POTEE: variants seen among roughly 807,000 people sequenced by gnomAD.
The protein encoded by POTEE is ANKRD26-like family C member 1A.
A neutral mutation model predicts 74.2 loss-of-function variants in POTEE; 21 were observed. The observed-to-expected ratio is 0.28, with a 90% confidence interval of 0.20 to 0.41. The LOEUF (loss-of-function observed/expected upper bound fraction) is 0.41. Ranked by LOEUF, POTEE falls within the 10% of genes least tolerant of loss-of-function variation. POTEE has a pLI of 1.00. For synonymous variants in POTEE, 211 were observed against 432.8 expected (o/e 0.49, Z 6.36); for missense variants, 525 against 1,158.6 (o/e 0.45, Z 7.94).
At chr2:131,210,616 T>TC (rs1294526623) in intron 1 of POTEE, among the ~76,000 whole-genome samples, 1 of 151,786 alleles carries the variant, frequency 6.6e-6, no homozygotes, top group Non-Finnish European at 1.5e-5. Flanking sequence ...GGCCTGCACC[T>TC]CCCGCCCACA....
At chr2:131,230,697 T>C (rs551018377) in intron 8 of POTEE, 139 bp from the exon 9 acceptor site, 3 of 740,054 alleles carry the variant, frequency 4.1e-6, no homozygotes, top group Non-Finnish European at 4.4e-6. Context: ...TAGAATGTAT[T>C]CATAAGTGGA....
chr2:131,230,786 T>G (rs1573714427), intron 8 of POTEE, 50 bp from the exon 9 acceptor site: 2 of 1,568,954 alleles, frequency 1.3e-6, no homozygotes, highest in East Asian at 4.8e-5. Flanking sequence ...TAAGTTTTTT[T>G]TATATCAGTA....
chr2:131,214,696 T>G (rs1336205183), intron 2 of POTEE, among the ~76,000 whole-genome samples: 2 of 152,278 alleles, frequency 1.3e-5, no homozygotes, highest in Non-Finnish European at 2.9e-5. Context: ...AAGTCAGTGG[T>G]AAAATAAAAA....
At chr2:131,210,696 G>A (rs1163122710) in intron 1 of POTEE, among the ~76,000 whole-genome samples, 2 of 150,022 alleles carry the variant, frequency 1.3e-5, no homozygotes, top group East Asian at 3.9e-4. Flanking sequence ...GCGGGGGACT[G>A]TGGGAACAGG....
chr2:131,225,082 A>C (rs1252141694), intron 6 of POTEE, among the ~76,000 whole-genome samples: 1 of 152,188 alleles, frequency 6.6e-6, no homozygotes, highest in Non-Finnish European at 1.5e-5. Context: ...GGAATTGGTC[A>C]TGTGGGTGAG....
chr2:131,225,522 GA>G (rs1700755354), intron 6 of POTEE, among the ~76,000 whole-genome samples: 1 of 144,008 alleles, frequency 6.9e-6, no homozygotes, highest in South Asian at 2.3e-4. Flanking sequence ...GTTGGGGTTG[GA>G]TATGTGCTGA....
chr2:131,236,244 T>G lies in POTEE; in HGVS notation c.1127-488T>G, dbSNP rs561090741. The stretch of plus-strand genomic sequence containing the variant: ...GAAGGGGAGACAGTAAAGGATTTTG[T>G]TTTCTTAACCTTGCTCTGGGATGTC... On this transcript the variant is annotated intron_variant, in intron 9 of 17. Coordinates refer to ENST00000683005, the MANE Select transcript of POTEE (RefSeq NM_001083538.3). Among the ~76,000 whole-genome samples, 10 of 152,200 alleles carry G rather than the reference T, an allele frequency of 6.6e-5. No individual in the cohort carries two copies. The East Asian group carries it at 1.9e-3, about 29-fold the overall frequency.
intron 10 of POTEE, among the ~76,000 whole-genome samples, chr2:131,237,357 C>A (rs1396386243): frequency 1.3e-5 from 2 of 151,998 alleles, no homozygotes; most frequent in African/African-American, 2.4e-5. Flanking sequence ...AAAATATATT[C>A]TGCCTTATGG....
At chr2:131,232,948 G>C (rs1573717528) in intron 9 of POTEE, among the ~76,000 whole-genome samples, 1 of 152,080 alleles carries the variant, frequency 6.6e-6, no homozygotes, top group Admixed American at 6.5e-5. Context: ...CACACCACAT[G>C]CTCATTCCCA....
In POTEE at chr2:131,264,164, G is replaced by C; in HGVS notation, c.2709G>C (p.Met903Ile). 1 of 1,614,310 alleles carries C rather than the reference G, an allele frequency of 6.2e-7. No individual in the cohort carries two copies. ...AGCGTGGCTATAGGTTCACCACCAT[G>C]GCCGAGCGGGAAATCGTGCGTGACA... is the stretch of plus-strand genomic sequence containing the variant. ...LTERGYRFTT[M>I]AEREIVRDIK... Residue 903 changes from methionine (M) to isoleucine (I), a missense_variant, in exon 18 of 18, where the codon ATG (methionine) becomes ATC (isoleucine). Physicochemically the swap from Met to Ile is conservative, Grantham distance 10 (BLOSUM62 1). Transcript: ENST00000683005.
intron 1 of POTEE, among the ~76,000 whole-genome samples, chr2:131,210,053 C>T (rs59572380): frequency 0.056 from 1,437 of 25,762 alleles, 32 homozygotes; most frequent in African/African-American, 0.21. Flanking sequence ...CGTGTACTGC[C>T]GGTGGCGGGG....
Position 131,218,805 on chromosome 2 carries a change from G to A in POTEE, c.403G>A (p.Val135Ile), listed in dbSNP as rs369272280. The change falls in exon 4 of 18, where the codon GTC becomes ATC. Residue 135 changes from valine to isoleucine, a missense_variant. Physicochemically the swap from Val to Ile is conservative, Grantham distance 29. Transcript: ENST00000683005. Reference protein sequence around the residue: ...DSAFMEPRYHVRGEDLDKLHR... With the variant: ...DSAFMEPRYHIRGEDLDKLHR... ...CGCCTTCATGGAGCCCAGGTACCACGTCCGTGGAGAAGATCTGGACAAGCT... is the reference window on the plus strand; with the variant it reads ...CGCCTTCATGGAGCCCAGGTACCACATCCGTGGAGAAGATCTGGACAAGCT... The A allele has an allele frequency of 1.2e-5, 19 of 1,612,592 alleles. No homozygotes were observed. The Middle Eastern group carries it at 7.9e-4, about 67-fold the overall frequency.
At chr2:131,237,978 G>A (rs1274065526) in intron 10 of POTEE, among the ~76,000 whole-genome samples, 2 of 152,198 alleles carry the variant, frequency 1.3e-5, no homozygotes, top group African/African-American at 4.8e-5. Flanking sequence ...TCAGAAGCCA[G>A]TAATGTGGCA....
Position 131,264,130 on chromosome 2 carries a change from T to A in POTEE, c.2675T>A (p.Ile892Asn). 6.2e-7 allele frequency: 1 copy of A among 1,614,290 alleles called. No individual in the cohort carries two copies. Among genetic ancestry groups the A allele is most frequent in the Non-Finnish European group, 8.5e-7 (1 of 1,180,060 alleles). ...GRELPDYLMK[I>N]LTERGYRFTT... is the part of the protein sequence containing the mutation. ...GAACTGCCTGACTACCTCATGAAGA[T>A]CCTCACCGAGCGTGGCTATAGGTTC... The change falls in exon 18 of 18, where the codon ATC (isoleucine) becomes AAC (asparagine). Residue 892 changes from isoleucine to asparagine, a missense_variant. Physicochemically the swap from Ile to Asn is moderately radical, Grantham distance 149. Transcript: ENST00000683005.
At position 131,219,478 on chromosome 2, in the gene POTEE, C is replaced by T. The variant is rs779090895; in HGVS notation, c.521+555C>T. ...CTTTTTGGCTGGGCGCGGTGGCTCACGCCTGTAATCCCAGCACTTTGGGAG... is the reference window on the plus strand; with the variant it reads ...CTTTTTGGCTGGGCGCGGTGGCTCATGCCTGTAATCCCAGCACTTTGGGAG... On this transcript the variant is annotated intron_variant, in intron 4 of 17. Transcript: ENST00000683005. Among the ~76,000 whole-genome samples the T allele has an allele frequency of 9.2e-5, 14 of 152,148 alleles. No homozygotes were observed. In the South Asian group the frequency reaches 2.1e-3, roughly 23 times the overall value.
intron 7 of POTEE, 96 bp downstream of exon 7, chr2:131,227,025 A>T: frequency 2.7e-6 from 4 of 1,488,246 alleles, no homozygotes; most frequent in Non-Finnish European, 3.6e-6. Flanking sequence ...ACTTACTGGG[A>T]TGTAGTGATC....
chr2:131,256,609 A>T (rs1348380019), intron 16 of POTEE, among the ~76,000 whole-genome samples: 1 of 90,666 alleles, frequency 1.1e-5, no homozygotes, highest in Non-Finnish European at 2.2e-5. Context: ...CTCTGCACTT[A>T]GCAGTTCCCT....
intron 6 of POTEE, 61 bp from the exon 7 acceptor site, chr2:131,226,762 T>C: frequency 6.2e-7 from 1 of 1,607,508 alleles, no homozygotes; most frequent in Non-Finnish European, 8.5e-7. Context: ...AGTTTCCACT[T>C]TGGTTGAGGA....
chr2:131,226,987 A>G (rs1291433983), intron 7 of POTEE, 58 bp downstream of exon 7: 6 of 1,592,672 alleles, frequency 3.8e-6, no homozygotes, highest in Non-Finnish European at 4.3e-6. Flanking sequence ...CTCAAGTCAT[A>G]AATATTAAAT....
Sources: gnomAD v4.1 joint callset for allele counts (sites outside exome capture counted in the v4.1 genomes callset) on GRCh38, gnomAD v4.1.1 for gene constraint, MANE v1.5 for transcripts, NCBI Gene and HGNC (gene_info 2026-07-23, HGNC 2026-07-21) for gene names.